The following NRCAM variants were observed in gnomAD, a reference collection of about 807,000 sequenced individuals.
NRCAM encodes neuronal cell adhesion molecule.
In NRCAM, 83 loss-of-function variants were observed where a neutral mutation model predicts 156.5. The ratio of observed to expected loss-of-function variants is 0.53; its 90% CI spans 0.44 to 0.64. The LOEUF (loss-of-function observed/expected upper bound fraction) is 0.64, where lower values mean the gene tolerates loss of function less well. Ranked by LOEUF, NRCAM falls within the 30% of genes least tolerant of loss-of-function variation. NRCAM has a pLI of 0.00. For synonymous variants in NRCAM, 538 were observed against 563.9 expected (o/e 0.95, Z 0.65); for missense variants, 1,417 against 1,597.3 (o/e 0.89, Z 1.92).
intron 28 of NRCAM, among the ~76,000 whole-genome samples, chr7:108,170,149 CA>C (rs2057539228): frequency 6.6e-6 from 1 of 151,832 alleles, no homozygotes; most frequent in African/African-American, 2.4e-5. Flanking sequence ...TATCCATTGA[CA>C]GATGAATGGA....
At chr7:108,410,422 T>C (rs1048496028) in intron 1 of NRCAM, among the ~76,000 whole-genome samples, 2 of 152,078 alleles carry the variant, frequency 1.3e-5, no homozygotes, top group African/African-American at 4.8e-5. Context: ...AATGTGAGAG[T>C]GCTCCTTAAA....
At chr7:108,255,620 G>A (rs1326141712) in intron 3 of NRCAM, among the ~76,000 whole-genome samples, 1 of 151,814 alleles carries the variant, frequency 6.6e-6, no homozygotes, top group Non-Finnish European at 1.5e-5. Flanking sequence ...TCTCTGCCTG[G>A]CTGCCCATCG....
intron 2 of NRCAM, among the ~76,000 whole-genome samples, chr7:108,316,250 A>G (rs1177165171): frequency 6.6e-6 from 1 of 151,740 alleles, no homozygotes; most frequent in African/African-American, 2.4e-5. Context: ...TTTCATGTAC[A>G]CTCTATCTTG....
chr7:108,281,160 C>T (rs1251671123), intron 3 of NRCAM, among the ~76,000 whole-genome samples: 2 of 151,942 alleles, frequency 1.3e-5, no homozygotes, highest in Non-Finnish European at 2.9e-5. Context: ...CTACCTTTTC[C>T]TCTTAACCTG....
At chr7:108,217,608 A>G (rs1165417908) in intron 11 of NRCAM, among the ~76,000 whole-genome samples, 6 of 152,150 alleles carry the variant, frequency 3.9e-5, no homozygotes, top group Non-Finnish European at 7.4e-5. Context: ...TCTTTCAGTG[A>G]TGCCCTGCCC....
intron 19 of NRCAM, among the ~76,000 whole-genome samples, chr7:108,190,303 C>A (rs1277462016): frequency 6.6e-6 from 1 of 152,240 alleles, no homozygotes; most frequent in Non-Finnish European, 1.5e-5. Flanking sequence ...TCCCAGAGGA[C>A]AACAGTGTAT....
chr7:108,455,965 G>C (rs899101973), intron 1 of NRCAM, among the ~76,000 whole-genome samples: 1 of 152,196 alleles, frequency 6.6e-6, no homozygotes, highest in African/African-American at 2.4e-5. Flanking sequence ...GGGGGTGGTG[G>C]GTGCCGGCGC....
At chr7:108,441,630 T>G (rs772049408) in intron 1 of NRCAM, among the ~76,000 whole-genome samples, 3 of 152,186 alleles carry the variant, frequency 2.0e-5, no homozygotes, top group Non-Finnish European at 4.4e-5. Flanking sequence ...TCAAATTCCT[T>G]GGGTTAGAAT....
chr7:108,444,169 T>C (rs1290570197), intron 1 of NRCAM, among the ~76,000 whole-genome samples: 3 of 152,178 alleles, frequency 2.0e-5, no homozygotes, highest in Non-Finnish European at 4.4e-5. Flanking sequence ...CATTGTAATC[T>C]AGAGATGATT....
intron 3 of NRCAM, among the ~76,000 whole-genome samples, chr7:108,278,886 G>T (rs1221191000): frequency 6.6e-6 from 1 of 152,162 alleles, no homozygotes; most frequent in African/African-American, 2.4e-5. Flanking sequence ...TTCCTATTCG[G>T]CCATCTTGGA....
intron 2 of NRCAM, among the ~76,000 whole-genome samples, chr7:108,382,119 T>C (rs967992642): frequency 6.6e-6 from 1 of 152,050 alleles, no homozygotes; most frequent in Non-Finnish European, 1.5e-5. Context: ...AAGGGGTGCA[T>C]GGTAACTTCA....
At chr7:108,150,646 C>T in intron 32 of NRCAM, 1 of 506,808 alleles carries the variant, frequency 2.0e-6, no homozygotes, top group South Asian at 1.5e-5. Flanking sequence ...TCCTGCATTT[C>T]AAATAATTTT....
chr7:108,373,678 T>C (rs757285357), intron 2 of NRCAM, among the ~76,000 whole-genome samples: 3 of 152,188 alleles, frequency 2.0e-5, no homozygotes, highest in Non-Finnish European at 4.4e-5. Flanking sequence ...ACCTTATCCA[T>C]TGGCATTGCC....
chr7:108,423,182 T>C (rs1266779343), intron 1 of NRCAM, among the ~76,000 whole-genome samples: 2 of 151,824 alleles, frequency 1.3e-5, no homozygotes, highest in Admixed American at 1.3e-4. Flanking sequence ...TTTGCATATA[T>C]GGAATAATGA....
intron 3 of NRCAM, among the ~76,000 whole-genome samples, chr7:108,288,045 T>C (rs2154112296): frequency 6.6e-6 from 1 of 152,240 alleles, no homozygotes; most frequent in East Asian, 1.9e-4. Context: ...AACCATGGAA[T>C]ACTACTCAGC....
chr7:108,260,895 G>T (rs1351163240), intron 3 of NRCAM, among the ~76,000 whole-genome samples: 1 of 152,022 alleles, frequency 6.6e-6, no homozygotes, highest in African/African-American at 2.4e-5. Flanking sequence ...GTTTATGTGG[G>T]GTGTTCTCAT....
chr7:108,276,223 G>T (rs970101255), intron 3 of NRCAM, among the ~76,000 whole-genome samples: 1 of 152,180 alleles, frequency 6.6e-6, no homozygotes, highest in Non-Finnish European at 1.5e-5. Flanking sequence ...ATTTGGGGTG[G>T]AGAGTTCTGT....
intron 3 of NRCAM, among the ~76,000 whole-genome samples, chr7:108,253,315 T>C (rs2096464711): frequency 6.6e-6 from 1 of 152,146 alleles, no homozygotes; most frequent in South Asian, 2.1e-4. Flanking sequence ...ATCTAGGCCC[T>C]ATGGGAGCAG....
chr7:108,361,336 T>C (rs763344222), intron 2 of NRCAM, among the ~76,000 whole-genome samples: 1 of 152,204 alleles, frequency 6.6e-6, no homozygotes, highest in African/African-American at 2.4e-5. Flanking sequence ...GATTGGGCCA[T>C]GGAGTGCCCA....
Sources: gnomAD v4.1 joint callset for allele counts (sites outside exome capture counted in the v4.1 genomes callset) on GRCh38, gnomAD v4.1.1 for gene constraint, MANE v1.5 for transcripts, NCBI Gene and HGNC (gene_info 2026-07-23, HGNC 2026-07-21) for gene names.